NMRK2: variants seen among roughly 807,000 people sequenced by gnomAD.
NMRK2 encodes nicotinamide riboside kinase 2.
NMRK2 carries 34 observed loss-of-function variants against 24.7 expected under a neutral mutation model. That is an observed-to-expected ratio of 1.37 (90% CI 1.05 to 1.83). The LOEUF is 1.83. NMRK2 is among the 40% of genes most tolerant of loss of function. The pLI, the probability that NMRK2 is intolerant of heterozygous loss-of-function variation, is 0.00. For missense variants in NMRK2, 341 were observed against 315.0 expected, an observed-to-expected ratio of 1.08 and a Z score of -0.62; for synonymous variants, 145 against 125.6, an observed-to-expected ratio of 1.15 and a Z score of -1.03.
chr19:3,933,684 G>T lies in NMRK2; in HGVS notation c.13G>T (p.Val5Leu). 1 of 1,486,574 alleles carries T rather than the reference G, an allele frequency of 6.7e-7. No homozygotes were observed. The highest frequency in any genetic ancestry group is 8.9e-7 in the Non-Finnish European group (1 of 1,118,906). The allele number at this position is 1,486,574 out of a possible 1,614,324, so 92.1% of individuals were successfully genotyped here. Residue 5 changes from valine (V) to leucine (L), a missense_variant, in exon 2 of 8, where the codon GTG (valine) becomes TTG (leucine). Val to Leu is a conservative substitution (Grantham distance 32, BLOSUM62 1). Coordinates refer to ENST00000168977, the MANE Select transcript of NMRK2 (RefSeq NM_170678.3). MKLI[V>L]GIGGMTNGGK... is the part of the protein sequence containing the mutation. ...CCTCCGCACCGGCATGAAGCTCATCGTGGGCATCGGAGGGTGAGCGCCGGG... is the reference window on the plus strand; with the variant it reads ...CCTCCGCACCGGCATGAAGCTCATCTTGGGCATCGGAGGGTGAGCGCCGGG...
chr19:3,938,933 C>T (rs2039276942), intron 5 of NMRK2, among the ~76,000 whole-genome samples, 174 bp downstream of exon 5: 1 of 142,866 alleles, frequency 7.0e-6, no homozygotes. Context: ...ACTGCAACCT[C>T]TGCCTCCCAG....
chr19:3,938,000 C>A (rs1174528679), intron 4 of NMRK2, among the ~76,000 whole-genome samples: 1 of 110,650 alleles, frequency 9.0e-6, no homozygotes, highest in Non-Finnish European at 1.8e-5. Context: ...CCCGCTCCCC[C>A]TCCACTGTCC....
chr19:3,937,133 A>G, intron 3 of NMRK2, 107 bp from the exon 4 acceptor site: 1 of 1,077,816 alleles, frequency 9.3e-7, no homozygotes, highest in Non-Finnish European at 1.4e-6. Flanking sequence ...CCCACGCCTC[A>G]GGGACCTCAG....
In NMRK2 at chr19:3,942,179, C is replaced by T. The variant is rs1290292105; in HGVS notation, c.599C>T (p.Pro200Leu). 3 of 1,613,154 alleles carry T rather than the reference C, an allele frequency of 1.9e-6. No homozygotes were observed. Among genetic ancestry groups the T allele is most frequent in the South Asian group, 1.1e-5 (1 of 91,088 alleles). Residue 200 changes from proline to leucine, a missense_variant, in exon 8 of 8, where the codon CCC becomes CTC. Physicochemically the swap from Pro to Leu is moderately conservative, Grantham distance 98. Transcript: ENST00000168977. ...SLLNRSQESA[P>L]SPARPARTQG... Reference sequence around the variant, plus strand: ...CTGAACCGCTCCCAGGAATCAGCCCCCTCCCCGGCTCGCCCAGCCAGGACA... The same window carrying T: ...CTGAACCGCTCCCAGGAATCAGCCCTCTCCCCGGCTCGCCCAGCCAGGACA...
chr19:3,933,332 G>C (rs2039147503), intron 1 of NMRK2, 126 bp from the exon 2 acceptor site: 2 of 364,700 alleles, frequency 5.5e-6, no homozygotes, highest in African/African-American at 2.2e-5. Context: ...GGGGTGGAGA[G>C]GAGGGAGGAG....
At chr19:3,937,954 G>C (rs1438381083) in intron 4 of NMRK2, among the ~76,000 whole-genome samples, 13 of 65,908 alleles carry the variant, frequency 2.0e-4, no homozygotes, top group Admixed American at 3.4e-4. Context: ...CCCGCTCCCC[G>C]TCCACTGTCC....
Position 3,933,648 on chromosome 19 carries a change from T to C in NMRK2, c.-24T>C. 1 of 1,516,206 alleles carries C rather than the reference T, an allele frequency of 6.6e-7. No homozygotes were observed. The highest frequency in any genetic ancestry group is 8.8e-7 in the Non-Finnish European group (1 of 1,133,652). 93.9% of individuals were successfully genotyped at this position (1,516,206 alleles called of 1,614,324 possible). A position where few individuals can be genotyped will look rare whatever the true frequency, so the allele number is the denominator to read the frequency against. On this transcript the variant is annotated 5_prime_UTR_variant, in exon 2 of 8. Transcript: ENST00000168977. ...CCTACCCGGGCTGCCTTGGAAGTCG[T>C]CCCCGCCGCCCCTCCGCACCGGCAT... is the stretch of plus-strand genomic sequence containing the variant.
intron 7 of NMRK2, 88 bp downstream of exon 7, chr19:3,941,265 T>C: frequency 1.5e-6 from 1 of 646,322 alleles, no homozygotes; most frequent in South Asian, 1.9e-5. Context: ...TTTTTTTTTT[T>C]TCAAGACAGA....
In NMRK2 at chr19:3,939,080, C is replaced by T. The variant is rs143432619; in HGVS notation, c.323+321C>T. Among the ~76,000 whole-genome samples the T allele has an allele frequency of 7.4e-3, 1,120 of 151,756 alleles. 9 individuals are homozygous for T. Among genetic ancestry groups the T allele is most frequent in the African/African-American group, 0.026 (1,063 of 41,416 alleles). Reference sequence around the variant, plus strand: ...ACCAGGATGTTCTCAAACTCCTGACCTCAAGCCATCCGCCCGCCTCGGACT... The same window carrying T: ...ACCAGGATGTTCTCAAACTCCTGACTTCAAGCCATCCGCCCGCCTCGGACT... On this transcript the variant is annotated intron_variant, in intron 5 of 7. Transcript: ENST00000168977.
At chr19:3,938,842 T>G (rs761633684) in intron 5 of NMRK2, 83 bp downstream of exon 5, 5,161 of 334,096 alleles carry the variant, frequency 0.015, 87 homozygotes, top group Non-Finnish European at 0.017. Context: ...TTTTTTTTTT[T>G]TGTTTTGTTT....
At chr19:3,940,027 T>C (rs113469967) in intron 6 of NMRK2, 56 bp downstream of exon 6, 54,512 of 1,500,102 alleles carry the variant, frequency 0.036, 2,003 homozygotes, top group African/African-American at 0.17. Context: ...CTTGAATTAC[T>C]GGGTGGAACC....
chr19:3,939,549 A>G (rs1282411562), intron 5 of NMRK2, among the ~76,000 whole-genome samples: 1 of 152,018 alleles, frequency 6.6e-6, no homozygotes, highest in Non-Finnish European at 1.5e-5. Flanking sequence ...CAAGTCTGGG[A>G]CAAACAGCCA....
At chr19:3,940,765 A>T (rs112735331) in intron 6 of NMRK2, among the ~76,000 whole-genome samples, 2 of 149,294 alleles carry the variant, frequency 1.3e-5, no homozygotes, top group African/African-American at 4.9e-5. Context: ...AGAAAACGCC[A>T]CTGGACACGG....
At chr19:3,938,106 T>C (rs368485871) in intron 4 of NMRK2, among the ~76,000 whole-genome samples, 1,097 of 41,312 alleles carry the variant, frequency 0.027, no homozygotes, top group South Asian at 0.1. Flanking sequence ...ACTGTTCCCC[T>C]GGGGTCCGCC....
chr19:3,940,109 G>A, intron 6 of NMRK2, 138 bp downstream of exon 6: 5 of 716,130 alleles, frequency 7.0e-6, no homozygotes, highest in Non-Finnish European at 1.2e-5. Flanking sequence ...CACTTCCGGA[G>A]GCTGAGGCAG....
At chr19:3,934,521 C>A (rs1034793796) in intron 2 of NMRK2, among the ~76,000 whole-genome samples, 1 of 148,274 alleles carries the variant, frequency 6.7e-6, no homozygotes, top group African/African-American at 2.6e-5. Flanking sequence ...TAGCCGGACT[C>A]CCTCTTGAAT....
rs769617345 is a variant in NMRK2 at position 3,939,989 on chromosome 19, G to A, written c.395+18G>A. Reference sequence around the variant, plus strand: ...AGGAGAAGGTGCACTTGGTGTCTGGGGGTGCGGTGGGCTCCTGAGGGCCCT... The same window carrying A: ...AGGAGAAGGTGCACTTGGTGTCTGGAGGTGCGGTGGGCTCCTGAGGGCCCT... On this transcript the variant is annotated intron_variant, in intron 6 of 7. Coordinates refer to ENST00000168977, the MANE Select transcript of NMRK2 (RefSeq NM_170678.3). The A allele has an allele frequency of 1.2e-6, 2 of 1,606,646 alleles. No homozygotes were observed. Among genetic ancestry groups the A allele is most frequent in the African/African-American group, 1.3e-5 (1 of 74,822 alleles).
At position 3,937,291 on chromosome 19, in the gene NMRK2, A is replaced by G. The variant is rs747334151; in HGVS notation, c.166+3A>G. ...AGACGGCTTCAAACAGTGGGACGGT[A>G]AGGACAAGCATCACCTCCAAGCCCC... is the stretch of plus-strand genomic sequence containing the variant. On this transcript the variant is annotated splice_donor_region_variant and intron_variant, in intron 4 of 7. Coordinates refer to ENST00000168977, the MANE Select transcript of NMRK2 (RefSeq NM_170678.3). The G allele has an allele frequency of 4.3e-6, 7 of 1,612,740 alleles. No individual in the cohort carries two copies. Among genetic ancestry groups the G allele is most frequent in the Middle Eastern group, 1.6e-4 (1 of 6,080 alleles).
intron 4 of NMRK2, among the ~76,000 whole-genome samples, chr19:3,938,019 TCTGCCCTCCTGCAATACCTGCTCC>T (rs2039245469): frequency 1.7e-5 from 2 of 115,004 alleles, no homozygotes; most frequent in East Asian, 5.6e-4. Flanking sequence ...CCCCCCGGGG[TCTGCCCTCCTGCAATACCTGCTCC>T]CCGTCCACTG....
Sources: gnomAD v4.1 joint callset for allele counts (sites outside exome capture counted in the v4.1 genomes callset) on GRCh38, gnomAD v4.1.1 for gene constraint, MANE v1.5 for transcripts, NCBI Gene and HGNC (gene_info 2026-07-23, HGNC 2026-07-21) for gene names.